The following RORA variants were observed in gnomAD, a reference collection of about 807,000 sequenced individuals.
The protein encoded by RORA is RAR related orphan receptor A, also known as nuclear receptor ROR-alpha.
In RORA, 7 loss-of-function variants were observed where a neutral mutation model predicts 69.5. The observed-to-expected ratio is 0.10, with a 90% CI of 0.06 to 0.19. The LOEUF is 0.19. Ranked by LOEUF, RORA falls within the 10% of genes least tolerant of loss-of-function variation. RORA has a pLI of 1.00. For missense variants in RORA, 457 were observed against 663.0 expected (o/e 0.69, Z 3.41); for synonymous variants, 261 against 240.8 (o/e 1.08, Z -0.78).
chr15:60,685,823 T>C (rs1256603060), intron 1 of RORA, among the ~76,000 whole-genome samples: 1 of 152,142 alleles, frequency 6.6e-6, no homozygotes, highest in Non-Finnish European at 1.5e-5. Flanking sequence ...AATCAAACAT[T>C]TTGTAATTGC....
At chr15:60,829,336 T>G (rs1021795921) in intron 1 of RORA, among the ~76,000 whole-genome samples, 2 of 152,182 alleles carry the variant, frequency 1.3e-5, no homozygotes, top group Non-Finnish European at 1.5e-5. Context: ...GATTCCCTCC[T>G]CAGTCCCTGT....
chr15:60,521,471 AC>A (rs1380804746), intron 3 of RORA, among the ~76,000 whole-genome samples: 1 of 151,480 alleles, frequency 6.6e-6, no homozygotes, highest in African/African-American at 2.4e-5. Flanking sequence ...AGATCTCTTG[AC>A]CCCGTGATTC....
At chr15:60,593,052 T>A in intron 2 of RORA, 1 of 412,392 alleles carries the variant, frequency 2.4e-6, no homozygotes, top group Non-Finnish European at 4.9e-6. Context: ...ACGGCCCACT[T>A]CTGGGCCGTG....
chr15:61,138,739 GAA>G (rs139305830), intron 1 of RORA, among the ~76,000 whole-genome samples: 1 of 151,750 alleles, frequency 6.6e-6, no homozygotes, highest in Admixed American at 6.6e-5. Flanking sequence ...CTCTGAGGGG[GAA>G]AAAAAGCCAT....
At chr15:61,014,143 G>A (rs1444048920) in intron 1 of RORA, among the ~76,000 whole-genome samples, 1 of 152,092 alleles carries the variant, frequency 6.6e-6, no homozygotes, top group East Asian at 1.9e-4. Flanking sequence ...AGATACAGCA[G>A]GATCCAAAAC....
At chr15:60,715,683 A>G (rs536458331) in intron 1 of RORA, among the ~76,000 whole-genome samples, 1 of 152,326 alleles carries the variant, frequency 6.6e-6, no homozygotes, top group Non-Finnish European at 1.5e-5. Context: ...AGTGCCCAAC[A>G]GTAGTTTCCA....
intron 2 of RORA, among the ~76,000 whole-genome samples, chr15:60,595,267 C>T (rs539150785): frequency 1.3e-5 from 2 of 152,042 alleles, no homozygotes; most frequent in Non-Finnish European, 1.5e-5. Flanking sequence ...AATCCCAGCA[C>T]TTTGAGAGGT....
At chr15:60,520,592 G>C (rs1306279056) in intron 3 of RORA, among the ~76,000 whole-genome samples, 1 of 152,138 alleles carries the variant, frequency 6.6e-6, no homozygotes, top group East Asian at 1.9e-4. Flanking sequence ...GATTTTGTCT[G>C]ATTGGGGAGA....
chr15:60,533,992 T>A (rs1033519902), intron 2 of RORA, among the ~76,000 whole-genome samples: 1 of 152,084 alleles, frequency 6.6e-6, no homozygotes, highest in Non-Finnish European at 1.5e-5. Flanking sequence ...ATGAGGGAGA[T>A]CAAGCATGTC....
At chr15:60,895,912 G>A (rs903980480) in intron 1 of RORA, among the ~76,000 whole-genome samples, 1 of 152,166 alleles carries the variant, frequency 6.6e-6, no homozygotes, top group East Asian at 1.9e-4. Context: ...AAAATGCGTA[G>A]GTGATTCAGT....
At position 60,649,335 on chromosome 15, in the gene RORA, A is replaced by G. The variant is rs111601963; in HGVS notation, c.196+29322T>C. Among the ~76,000 whole-genome samples the G allele has an allele frequency of 9.4e-3, 1,436 of 152,108 alleles. 17 individuals carry two copies. The highest frequency in any genetic ancestry group is 0.03 in the African/African-American group (1,234 of 41,500). On this transcript the variant is annotated intron_variant, in intron 2 of 10. Transcript: ENST00000335670. ...ATGGCTGCAGACAGAAGATCTGGCC[A>G]TTACTGTTTTGGCTTCAAGTGCTGC...
At chr15:60,681,843 A>T (rs189790244) in intron 1 of RORA, 17 of 152,346 alleles carry the variant, frequency 1.1e-4, no homozygotes, top group Admixed American at 9.2e-4. Context: ...TCAGAAAAAA[A>T]ATCGTATGCA....
At chr15:60,525,334 G>A (rs190014797) in intron 3 of RORA, among the ~76,000 whole-genome samples, 49 of 152,314 alleles carry the variant, frequency 3.2e-4, no homozygotes, top group Admixed American at 2.7e-3. Context: ...TGGCTGGGAA[G>A]GTGAACGGGG....
chr15:60,538,559 C>T (rs1274586823), intron 2 of RORA, among the ~76,000 whole-genome samples: 3 of 152,148 alleles, frequency 2.0e-5, no homozygotes, highest in African/African-American at 7.2e-5. Flanking sequence ...GCTAGCTAGA[C>T]TTACTTAAAT....
intron 1 of RORA, among the ~76,000 whole-genome samples, chr15:60,888,755 G>A (rs1401091010): frequency 1.3e-5 from 2 of 152,120 alleles, no homozygotes; most frequent in Non-Finnish European, 2.9e-5. Context: ...CAATTAGAGT[G>A]AGCCACAGAG....
chr15:61,034,934 C>T (rs1406513308), intron 1 of RORA, among the ~76,000 whole-genome samples: 1 of 151,812 alleles, frequency 6.6e-6, no homozygotes, highest in Non-Finnish European at 1.5e-5. Flanking sequence ...TTCCTGGTAA[C>T]ATAAAAACAA....
intron 1 of RORA, among the ~76,000 whole-genome samples, chr15:61,136,920 A>G (rs868012193): frequency 1.3e-5 from 2 of 151,930 alleles, no homozygotes; most frequent in African/African-American, 4.8e-5. Context: ...ATTTCCTGGA[A>G]TTTGCTCTTT....
Position 61,084,578 on chromosome 15 carries a change from C to G in RORA, c.166+144475G>C, listed in dbSNP as rs550853329. ...CTCTATGTATGTCTCTGTCTCATTT[C>G]CTAAATTTCAACTATTCTATTGCCA... is the stretch of plus-strand genomic sequence containing the variant. On this transcript the variant is annotated intron_variant, in intron 1 of 10. Transcript: ENST00000335670. 1.0e-3 allele frequency among the ~76,000 whole-genome samples: 156 copies of G among 152,284 alleles called. 1 individual carries two copies. Among genetic ancestry groups the G allele is most frequent in the Non-Finnish European group, 1.6e-4 (11 of 68,014 alleles).
chr15:60,678,469 A>G (rs1181854268), intron 2 of RORA, 188 bp downstream of exon 2: 1 of 579,320 alleles, frequency 1.7e-6, no homozygotes, highest in Non-Finnish European at 3.1e-6. Flanking sequence ...TCTCTCTTCA[A>G]CACACACTCA....
Sources: gnomAD v4.1 joint callset for allele counts (sites outside exome capture counted in the v4.1 genomes callset) on GRCh38, gnomAD v4.1.1 for gene constraint, MANE v1.5 for transcripts, NCBI Gene and HGNC (gene_info 2026-07-23, HGNC 2026-07-21) for gene names.